The following PIBF1 variants were observed in gnomAD, a reference collection of about 807,000 sequenced individuals.
PIBF1 encodes progesterone-induced-blocking factor 1.
A neutral mutation model predicts 112.5 loss-of-function variants in PIBF1; 90 were observed. That is an observed-to-expected ratio of 0.80 (90% CI 0.67 to 0.95). PIBF1 has a LOEUF of 0.95. Among genes scored for constraint, PIBF1 ranks in the 40% least tolerant of loss-of-function variants. The pLI is 0.00. For missense variants in PIBF1, 915 were observed against 852.3 expected (o/e 1.07, Z -0.92); for synonymous variants, 301 against 288.6 (o/e 1.04, Z -0.44).
intron 10 of PIBF1, among the ~76,000 whole-genome samples, chr13:72,866,067 A>G (rs1252142938): frequency 6.6e-6 from 1 of 152,158 alleles, no homozygotes; most frequent in Non-Finnish European, 1.5e-5. Flanking sequence ...GGGGGCCTCC[A>G]GGCATTCCTT....
chr13:72,987,854 ATTTATTTTTT>A (rs1369990812), intron 16 of PIBF1, among the ~76,000 whole-genome samples: 1 of 58,666 alleles, frequency 1.7e-5, no homozygotes, highest in East Asian at 6.6e-4. Flanking sequence ...TTATTTATTT[ATTTATTTTTT>A]TTTTTTTTTT....
At position 72,913,071 on chromosome 13, in the gene PIBF1, A is replaced by T. The variant is rs9573063; in HGVS notation, c.1640-4005A>T. On this transcript the variant is annotated intron_variant, in intron 12 of 17. Coordinates refer to ENST00000326291, the MANE Select transcript of PIBF1 (RefSeq NM_006346.4). ...GGTGGGGGTAAAAATTTTTTTTTTT[A>T]TTTTTAAAAAGACAAAAATCAGAAC... is the stretch of plus-strand genomic sequence containing the variant. Among the ~76,000 whole-genome samples the T allele has an allele frequency of 3.4e-4, 51 of 151,046 alleles. No homozygotes were observed. In the South Asian group the frequency reaches 5.9e-3, roughly 17 times the overall value.
Position 72,901,923 on chromosome 13 carries a change from G to A in PIBF1, c.1489-6608G>A, listed in dbSNP as rs555879190. ...TACTTGCACACACATGTTTATAGCA[G>A]CACAATTCACAATTGCAAAATCGTG... On this transcript the variant is annotated intron_variant, in intron 11 of 17. Transcript: ENST00000326291. Among the ~76,000 whole-genome samples, 3 of 151,730 alleles carry A rather than the reference G, an allele frequency of 2.0e-5. No homozygotes were observed. The East Asian group carries it at 5.9e-4, about 30-fold the overall frequency.
At chr13:72,805,050 T>C (rs1024913962) in intron 5 of PIBF1, among the ~76,000 whole-genome samples, 2 of 152,206 alleles carry the variant, frequency 1.3e-5, no homozygotes, top group Non-Finnish European at 2.9e-5. Flanking sequence ...CTCGGCTCAC[T>C]GGAACCTTTG....
intron 9 of PIBF1, among the ~76,000 whole-genome samples, chr13:72,852,142 G>A (rs553937117): frequency 1.3e-5 from 2 of 152,202 alleles, no homozygotes; most frequent in Non-Finnish European, 1.5e-5. Flanking sequence ...CACAAAAAGA[G>A]CTGAAACATG....
rs1207887541 is a variant in PIBF1 at position 73,016,058 on chromosome 13, A to G, written c.*139A>G. 2.8e-6 allele frequency: 1 copy of G among 353,526 alleles called. No individual in the cohort carries two copies. Among genetic ancestry groups the G allele is most frequent in the African/African-American group, 2.1e-5 (1 of 47,150 alleles). 21.9% of individuals were successfully genotyped at this position (353,526 alleles called of 1,614,324 possible). A position where few individuals can be genotyped will look rare whatever the true frequency, so the allele number is the denominator to read the frequency against. On this transcript the variant is annotated 3_prime_UTR_variant, in exon 18 of 18. Coordinates refer to ENST00000326291, the MANE Select transcript of PIBF1 (RefSeq NM_006346.4). ...ATTTGAACTAATATTAAATTAACAA[A>G]TTCAGTGTAATCAAAATGTGTAAAG...
chr13:72,913,337 T>G (rs1467430983), intron 12 of PIBF1, among the ~76,000 whole-genome samples: 1 of 152,186 alleles, frequency 6.6e-6, no homozygotes, highest in Non-Finnish European at 1.5e-5. Context: ...TAAATACATA[T>G]TGAATTATAA....
chr13:72,879,332 G>A (rs971191998), intron 10 of PIBF1, among the ~76,000 whole-genome samples: 1 of 152,096 alleles, frequency 6.6e-6, no homozygotes, highest in Non-Finnish European at 1.5e-5. Context: ...TTAGTATCAG[G>A]AAGTCAAGGA....
At chr13:72,913,361 T>C (rs892302946) in intron 12 of PIBF1, among the ~76,000 whole-genome samples, 5 of 152,116 alleles carry the variant, frequency 3.3e-5, no homozygotes, top group African/African-American at 9.7e-5. Context: ...ATGATTTGCA[T>C]GTTAAACTGT....
At chr13:72,987,837 A>AATTTATTTATTTATTT (rs1228971710) in intron 16 of PIBF1, among the ~76,000 whole-genome samples, 4 of 101,946 alleles carry the variant, frequency 3.9e-5, no homozygotes, top group African/African-American at 1.9e-4. Flanking sequence ...TATTTTTTGT[A>AATTTATTTATTTATTT]ATTTATTTAT....
At chr13:72,920,928 T>C (rs1468070281) in intron 13 of PIBF1, among the ~76,000 whole-genome samples, 1 of 152,152 alleles carries the variant, frequency 6.6e-6, no homozygotes, top group East Asian at 1.9e-4. Flanking sequence ...CCAAAATATA[T>C]TAAAGTTTCA....
chr13:72,927,630 G>T (rs1444647645), intron 13 of PIBF1, among the ~76,000 whole-genome samples: 1 of 152,064 alleles, frequency 6.6e-6, no homozygotes, highest in Non-Finnish European at 1.5e-5. Flanking sequence ...CAAGTGATCT[G>T]CCTGCCTTGG....
intron 14 of PIBF1, among the ~76,000 whole-genome samples, chr13:72,947,878 C>T (rs2042191621): frequency 6.6e-6 from 1 of 152,198 alleles, no homozygotes; most frequent in Non-Finnish European, 1.5e-5. Flanking sequence ...AAATGAGGCA[C>T]ATACACCATG....
At chr13:72,867,839 A>G (rs1465275857) in intron 10 of PIBF1, among the ~76,000 whole-genome samples, 1 of 152,262 alleles carries the variant, frequency 6.6e-6, no homozygotes, top group Admixed American at 6.5e-5. Context: ...AAGCTTAATT[A>G]GACAGTCGCA....
chr13:72,834,781 C>T (rs756495581), intron 8 of PIBF1, among the ~76,000 whole-genome samples: 4 of 152,164 alleles, frequency 2.6e-5, no homozygotes, highest in African/African-American at 7.2e-5. Context: ...TAAAAGATCA[C>T]GGTGTGGCTG....
chr13:72,881,673 G>C (rs146214525), intron 10 of PIBF1, among the ~76,000 whole-genome samples: 1 of 149,530 alleles, frequency 6.7e-6, no homozygotes, highest in African/African-American at 2.5e-5. Context: ...CCGAGCTAAT[G>C]CCATTTCACT....
At chr13:73,001,028 G>T (rs1173026887) in intron 17 of PIBF1, among the ~76,000 whole-genome samples, 1 of 152,112 alleles carries the variant, frequency 6.6e-6, no homozygotes, top group Non-Finnish European at 1.5e-5. Context: ...AATGAAAACT[G>T]AGAGGTAATA....
Position 72,971,035 on chromosome 13 carries a change from A to T in PIBF1, c.1965-2556A>T, listed in dbSNP as rs542912546. 3.3e-5 allele frequency among the ~76,000 whole-genome samples: 5 copies of T among 152,330 alleles called. No individual in the cohort carries two copies. The South Asian group carries it at 1.0e-3, about 32-fold the overall frequency. On this transcript the variant is annotated intron_variant, in intron 15 of 17. Coordinates refer to ENST00000326291, the MANE Select transcript of PIBF1 (RefSeq NM_006346.4). ...CGGTTGTTTTGCTATTTAATTATAG[A>T]ATACTTTATTTTTGAAAAGTTAAAA...
At chr13:72,830,299 C>G (rs540493963) in intron 8 of PIBF1, among the ~76,000 whole-genome samples, 22 of 152,274 alleles carry the variant, frequency 1.4e-4, no homozygotes, top group African/African-American at 5.1e-4. Flanking sequence ...CTGGCCAGAA[C>G]TTCCAATACC....
Sources: gnomAD v4.1 joint callset for allele counts (sites outside exome capture counted in the v4.1 genomes callset) on GRCh38, gnomAD v4.1.1 for gene constraint, MANE v1.5 for transcripts, NCBI Gene and HGNC (gene_info 2026-07-23, HGNC 2026-07-21) for gene names.